ERCC6L2: variants seen among roughly 807,000 people sequenced by gnomAD.
ERCC6L2 encodes ERCC excision repair 6 like 2.
A neutral mutation model predicts 132.0 loss-of-function variants in ERCC6L2; 77 were observed. The ratio of observed to expected loss-of-function variants is 0.58; its 90% CI spans 0.49 to 0.71. The LOEUF (loss-of-function observed/expected upper bound fraction) is 0.71, where lower values mean the gene tolerates loss of function less well. Among genes scored for constraint, ERCC6L2 ranks in the 30% least tolerant of loss-of-function variants. ERCC6L2 has a pLI of 0.00. For synonymous variants in ERCC6L2, 583 were observed against 632.4 expected (o/e 0.92, Z 1.17); for missense variants, 1,542 against 1,837.6 (o/e 0.84, Z 2.94).
chr9:95,968,065 T>C (rs913299187), intron 14 of ERCC6L2: 2 of 152,138 alleles, frequency 1.3e-5, no homozygotes, highest in Non-Finnish European at 2.9e-5. Context: ...GGTTATTAAG[T>C]AGAAAAAGTT....
intron 2 of ERCC6L2, 64 bp from the exon 3 acceptor site, chr9:95,897,785 G>A (rs1183097209): frequency 6.6e-7 from 1 of 1,524,826 alleles, no homozygotes; most frequent in Non-Finnish European, 9.0e-7. Flanking sequence ...AGTCATGTAA[G>A]CAGTGAAATT....
intron 17 of ERCC6L2, among the ~76,000 whole-genome samples, chr9:95,992,210 A>T (rs1241201061): frequency 5.9e-5 from 9 of 152,208 alleles, no homozygotes; most frequent in Non-Finnish European, 1.3e-4. Flanking sequence ...CTTTTGTTTT[A>T]AAAAGTTCCT....
chr9:95,973,757 A>G (rs1832539197), intron 16 of ERCC6L2, among the ~76,000 whole-genome samples: 1 of 152,206 alleles, frequency 6.6e-6, no homozygotes, highest in Non-Finnish European at 1.5e-5. Flanking sequence ...GAGTGGGGAC[A>G]CAGCCAAACC....
At chr9:95,918,303 C>A (rs6479016) in intron 6 of ERCC6L2, 7,715 of 404,962 alleles carry the variant, frequency 0.019, 559 homozygotes, top group African/African-American at 0.15. Flanking sequence ...GTCCTGATGT[C>A]AGTCTTGAAG....
At chr9:95,903,922 A>C (rs1290241728) in intron 3 of ERCC6L2, among the ~76,000 whole-genome samples, 1 of 152,094 alleles carries the variant, frequency 6.6e-6, no homozygotes, top group Non-Finnish European at 1.5e-5. Context: ...AACATAGGTA[A>C]TTAATTTATT....
intron 19 of ERCC6L2, among the ~76,000 whole-genome samples, chr9:96,028,221 C>A (rs1163687965): frequency 6.6e-6 from 1 of 152,040 alleles, no homozygotes; most frequent in Non-Finnish European, 1.5e-5. Flanking sequence ...AAATGCAGGC[C>A]AAAACGTATT....
At chr9:95,920,721 C>T (rs1829823326) in intron 6 of ERCC6L2, among the ~76,000 whole-genome samples, 1 of 152,088 alleles carries the variant, frequency 6.6e-6, no homozygotes, top group Non-Finnish European at 1.5e-5. Flanking sequence ...GAATATAAGA[C>T]AGTCAGTAGA....
rs186390247 is a variant in ERCC6L2, at chr9:95,916,342, G to A, written c.1066G>A (p.Ala356Thr). 1 of 1,613,562 alleles carries A rather than the reference G, an allele frequency of 6.2e-7. No individual in the cohort carries two copies. Among genetic ancestry groups the A allele is most frequent in the Admixed American group, 1.7e-5 (1 of 59,880 alleles). The change falls in exon 6 of 19, where the codon GCC becomes ACC. Residue 356 changes from alanine to threonine, a missense_variant. Ala to Thr is a moderately conservative substitution (Grantham distance 58). This residue lies in a region of ERCC6L2 where 945 missense variants were observed against 1,105.2 expected (regional missense o/e 0.86). Transcript: ENST00000653738. ...TKRELATGRK[A>T]MQRLAKKMSG... is the part of the protein sequence containing the mutation. ...GAGAGAACTAGCCACTGGCCGAAAG[G>A]CCATGCAAAGACTTGCCAAAAAGAT...
At chr9:95,990,329 G>A (rs1243045535) in intron 17 of ERCC6L2, among the ~76,000 whole-genome samples, 1 of 152,204 alleles carries the variant, frequency 6.6e-6, no homozygotes, top group Non-Finnish European at 1.5e-5. Context: ...CAACATGAAG[G>A]TATCAAGTAT....
chr9:95,989,438 G>A (rs1670889568), intron 17 of ERCC6L2, among the ~76,000 whole-genome samples: 1 of 152,226 alleles, frequency 6.6e-6, no homozygotes, highest in Non-Finnish European at 1.5e-5. Flanking sequence ...ATGCCAGGAA[G>A]CTGGGACAAA....
intron 17 of ERCC6L2, among the ~76,000 whole-genome samples, chr9:95,997,145 G>C: frequency 7.0e-6 from 1 of 143,202 alleles, no homozygotes; most frequent in African/African-American, 3.0e-5. Flanking sequence ...GTGGACTTGG[G>C]CAAAGTCAGT....
intron 11 of ERCC6L2, among the ~76,000 whole-genome samples, chr9:95,930,984 T>C (rs1208696327): frequency 1.3e-5 from 2 of 152,224 alleles, no homozygotes; most frequent in Non-Finnish European, 2.9e-5. Flanking sequence ...TAGGTTGGCA[T>C]TAAAATTTGA....
intron 11 of ERCC6L2, among the ~76,000 whole-genome samples, chr9:95,932,754 G>T (rs1830394654): frequency 6.6e-6 from 1 of 152,096 alleles, no homozygotes; most frequent in African/African-American, 2.4e-5. Context: ...TGTAGTTAAG[G>T]TGTACTTTCT....
At chr9:95,896,491 G>A (rs1366560322) in intron 2 of ERCC6L2, among the ~76,000 whole-genome samples, 4 of 150,510 alleles carry the variant, frequency 2.7e-5, no homozygotes, top group African/African-American at 2.5e-5. Context: ...GTGCAGTCAC[G>A]GCCCACTGCA....
At chr9:95,952,147 A>G (rs1033851717) in intron 12 of ERCC6L2, among the ~76,000 whole-genome samples, 4 of 118,740 alleles carry the variant, frequency 3.4e-5, no homozygotes, top group Non-Finnish European at 6.6e-5. Flanking sequence ...CAGCCTGGCA[A>G]CAGAGTGAGA....
chr9:95,898,064 G>A (rs1051078205), intron 3 of ERCC6L2, 93 bp downstream of exon 3: 2 of 1,130,800 alleles, frequency 1.8e-6, no homozygotes, highest in Admixed American at 5.5e-5. Flanking sequence ...AAATGTATTG[G>A]TATACATTTT....
chr9:95,880,589 G>A (rs1256756162), intron 1 of ERCC6L2, among the ~76,000 whole-genome samples: 1 of 152,128 alleles, frequency 6.6e-6, no homozygotes, highest in Non-Finnish European at 1.5e-5. Flanking sequence ...ACTAGAGGTG[G>A]TGTCTAAGAA....
At chr9:95,976,557 A>G (rs1279117120) in intron 16 of ERCC6L2, among the ~76,000 whole-genome samples, 1 of 152,160 alleles carries the variant, frequency 6.6e-6, no homozygotes, top group East Asian at 1.9e-4. Flanking sequence ...TCCTACTTTC[A>G]CACAGATACT....
At chr9:95,953,115 A>G (rs767064498) in intron 12 of ERCC6L2, among the ~76,000 whole-genome samples, 8 of 152,192 alleles carry the variant, frequency 5.3e-5, no homozygotes, top group Non-Finnish European at 1.2e-4. Context: ...ACAGAGTTTC[A>G]GTTTGGAAAG....
Sources: gnomAD v4.1 joint callset for allele counts (sites outside exome capture counted in the v4.1 genomes callset) on GRCh38, gnomAD v4.1.1 for gene constraint, gnomAD v4.1.1 regional missense constraint, MANE v1.5 for transcripts, NCBI Gene and HGNC (gene_info 2026-07-23, HGNC 2026-07-21) for gene names.